The following LAPTM5 variants were observed in gnomAD, a reference collection of about 807,000 sequenced individuals.
LAPTM5 encodes the protein lysosomal-associated transmembrane protein 5.
LAPTM5 carries 11 observed loss-of-function variants against 30.1 expected under a neutral mutation model. The observed-to-expected ratio is 0.37, with a 90% CI of 0.23 to 0.60. The LOEUF (loss-of-function observed/expected upper bound fraction) is 0.60. Ranked by LOEUF, LAPTM5 falls within the 20% of genes least tolerant of loss-of-function variation. The pLI is 0.71. For synonymous variants in LAPTM5, 151 were observed against 137.9 expected, an observed-to-expected ratio of 1.10 and a Z score of -0.67; for missense variants, 324 against 332.5, an observed-to-expected ratio of 0.97 and a Z score of 0.20.
At chr1:30,750,310 A>T (rs939620050) in intron 1 of LAPTM5, among the ~76,000 whole-genome samples, 1 of 152,216 alleles carries the variant, frequency 6.6e-6, no homozygotes, top group African/African-American at 2.4e-5. Context: ...TCTTCAGAGC[A>T]AAGACCCACA....
At chr1:30,757,277 C>T (rs1049840709) in intron 1 of LAPTM5, among the ~76,000 whole-genome samples, 4 of 152,232 alleles carry the variant, frequency 2.6e-5, no homozygotes, top group African/African-American at 7.2e-5. Flanking sequence ...GCCCACGTTC[C>T]TCCCAAGATC....
intron 1 of LAPTM5, among the ~76,000 whole-genome samples, chr1:30,744,378 G>A (rs1158020729): frequency 1.3e-5 from 2 of 152,154 alleles, no homozygotes; most frequent in Admixed American, 6.5e-5. Context: ...GAGAAAGGGA[G>A]GCAGATGACA....
At position 30,739,106 on chromosome 1, in the gene LAPTM5, T is replaced by A. The variant is rs1434760376; in HGVS notation, c.388-44A>T. The A allele has an allele frequency of 8.4e-6, 13 of 1,554,164 alleles. No individual in the cohort carries two copies. In the South Asian group the frequency reaches 1.5e-4, roughly 18 times the overall value. On this transcript the variant is annotated intron_variant, in intron 4 of 7. Coordinates refer to ENST00000294507, the MANE Select transcript of LAPTM5 (RefSeq NM_006762.3). The surrounding 1 kb of genome is among the most constrained non-coding windows in gnomAD (Gnocchi z 4.2). ...AGGAGGAGGAATGAGGAGCAGCAATTAAAGTCCCAGTTACTGAGCGGCACA... is the reference window on the plus strand; with the variant it reads ...AGGAGGAGGAATGAGGAGCAGCAATAAAAGTCCCAGTTACTGAGCGGCACA...
chr1:30,757,603 G>A (rs1640229912), intron 1 of LAPTM5, 56 bp downstream of exon 1: 3 of 1,557,470 alleles, frequency 1.9e-6, no homozygotes, highest in African/African-American at 1.4e-5. Flanking sequence ...GGTCACCGCA[G>A]ACATTCACAC....
At chr1:30,750,008 G>T (rs895254297) in intron 1 of LAPTM5, among the ~76,000 whole-genome samples, 1 of 152,138 alleles carries the variant, frequency 6.6e-6, no homozygotes, top group African/African-American at 2.4e-5. Context: ...ACCTAGACTC[G>T]GACGGCTCAG....
intron 1 of LAPTM5, among the ~76,000 whole-genome samples, chr1:30,745,677 G>T (rs1256363024): frequency 1.3e-5 from 2 of 152,174 alleles, no homozygotes; most frequent in East Asian, 1.9e-4. Flanking sequence ...ACTCTGAGGG[G>T]CCCCGACCTT....
In LAPTM5 at chr1:30,741,651, C is replaced by T. The variant is rs764117825; in HGVS notation, c.247G>A (p.Gly83Ser). 6.2e-7 allele frequency: 1 copy of T among 1,602,904 alleles called. No individual in the cohort carries two copies. The highest frequency in any genetic ancestry group is 8.5e-7 in the Non-Finnish European group (1 of 1,174,692). Residue 83 changes from glycine (G) to serine (S), a missense_variant, in exon 3 of 8, where the codon GGC becomes AGC. Physicochemically the swap from Gly to Ser is moderately conservative, Grantham distance 56 (BLOSUM62 0). Coordinates refer to ENST00000294507, the MANE Select transcript of LAPTM5 (RefSeq NM_006762.3). ...LFIISLSLLI[G>S]VVKNREKYLL... ...TCCTGAGCCCTCACCTTGACTACGCCGATCAGTAGGCTCAGGCTGATGATG... is the reference window on the plus strand; with the variant it reads ...TCCTGAGCCCTCACCTTGACTACGCTGATCAGTAGGCTCAGGCTGATGATG...
chr1:30,748,564 C>T (rs1640081970), intron 1 of LAPTM5, among the ~76,000 whole-genome samples: 1 of 152,228 alleles, frequency 6.6e-6, no homozygotes, highest in Admixed American at 6.5e-5. Context: ...TCCCCTTCCC[C>T]ACCCTGTGCT....
At chr1:30,743,379 G>C (rs1161623414) in intron 1 of LAPTM5, among the ~76,000 whole-genome samples, 2 of 152,186 alleles carry the variant, frequency 1.3e-5, no homozygotes, top group African/African-American at 4.8e-5. Context: ...ATGTGGAAGG[G>C]GCGAATCTGA....
At chr1:30,750,226 T>G (rs1298742036) in intron 1 of LAPTM5, among the ~76,000 whole-genome samples, 1 of 152,136 alleles carries the variant, frequency 6.6e-6, no homozygotes, top group African/African-American at 2.4e-5. Flanking sequence ...CCTGTCATTC[T>G]CCACTTCCTA....
At chr1:30,750,012 G>A (rs536859245) in intron 1 of LAPTM5, among the ~76,000 whole-genome samples, 43 of 152,264 alleles carry the variant, frequency 2.8e-4, no homozygotes, top group Admixed American at 1.6e-3. Context: ...AGACTCGGAC[G>A]GCTCAGATGG....
Position 30,742,466 on chromosome 1 carries a change from G to A in LAPTM5, c.171C>T (p.Tyr57=). The part of the protein sequence containing the change: ...KASCKLSQMG[Y]LRIADLISSF... The stretch of plus-strand genomic sequence containing the variant: ...GTCCCCTGGACCTACCGATCCTGAG[G>A]TAGCCCATCTGGGAGAGCTTGCAGG... The change falls in exon 2 of 8, where the codon TAC becomes TAT. Residue 57 remains tyrosine, a synonymous_variant. Transcript: ENST00000294507. The A allele has an allele frequency of 1.2e-6, 2 of 1,613,014 alleles. No homozygotes were observed. Among genetic ancestry groups the A allele is most frequent in the Non-Finnish European group, 1.7e-6 (2 of 1,179,568 alleles).
In LAPTM5 at chr1:30,746,522, T is replaced by G. The variant is rs138228753; in HGVS notation, c.88-3973A>C. Among the ~76,000 whole-genome samples the G allele has an allele frequency of 4.9e-4, 75 of 152,266 alleles. No individual in the cohort carries two copies. The South Asian group carries it at 0.012, about 25-fold the overall frequency. The stretch of plus-strand genomic sequence containing the variant: ...ACAGCGCTGCCTTCTCCCCAAGCTC[T>G]GAGAGCCCAGCTGGGCTGTGACCTT... On this transcript the variant is annotated intron_variant, in intron 1 of 7. Transcript: ENST00000294507. The surrounding 1 kb of genome is among the most constrained non-coding windows in gnomAD (Gnocchi z 4.0).
intron 1 of LAPTM5, among the ~76,000 whole-genome samples, chr1:30,744,009 A>T (rs1194854588): frequency 2.6e-5 from 4 of 152,044 alleles, no homozygotes; most frequent in Non-Finnish European, 5.9e-5. Flanking sequence ...GGAAAATTGC[A>T]ATCACTGGAT....
At position 30,739,997 on chromosome 1, in the gene LAPTM5, CAG is replaced by C; in HGVS notation, c.259-62_259-61del. 1 of 1,489,220 alleles carries C rather than the reference CAG, an allele frequency of 6.7e-7. No homozygotes were observed. Among genetic ancestry groups the C allele is most frequent in the Non-Finnish European group, 9.0e-7 (1 of 1,111,326 alleles). 92.3% of individuals were successfully genotyped at this position (1,489,220 alleles called of 1,614,324 possible). On this transcript the variant is annotated intron_variant, in intron 3 of 7. Transcript: ENST00000294507. The surrounding 1 kb of genome is among the most constrained non-coding windows in gnomAD (Gnocchi z 4.2). ...TGCATGCAGCCAACACTCCGCCACC[CAG>C]CCTGATATCCTCATGCATCCCCTTC...
intron 1 of LAPTM5, 40 bp downstream of exon 1, chr1:30,757,619 C>T (rs1313406721): frequency 2.5e-6 from 4 of 1,597,874 alleles, no homozygotes; most frequent in Non-Finnish European, 3.4e-6. Flanking sequence ...CACACTCACA[C>T]AAGCACGCAC....
chr1:30,757,155 G>A (rs187468057), intron 1 of LAPTM5, among the ~76,000 whole-genome samples: 22 of 152,200 alleles, frequency 1.4e-4, no homozygotes, highest in African/African-American at 5.3e-4. Context: ...GAGGCACAAA[G>A]GGGAGATCCC....
chr1:30,749,865 G>T (rs868629565), intron 1 of LAPTM5, among the ~76,000 whole-genome samples: 1 of 152,180 alleles, frequency 6.6e-6, no homozygotes, highest in African/African-American at 2.4e-5. Flanking sequence ...TACGCAGCAG[G>T]CCTCAGTAAA....
At chr1:30,744,393 C>T (rs998033474) in intron 1 of LAPTM5, among the ~76,000 whole-genome samples, 2 of 152,136 alleles carry the variant, frequency 1.3e-5, no homozygotes, top group African/African-American at 2.4e-5. Context: ...ATGACAGCTC[C>T]GTCCAGCACA....
Sources: allele counts gnomAD v4.1 joint callset (sites outside exome capture counted in the v4.1 genomes callset), GRCh38; gene constraint gnomAD v4.1.1; non-coding constraint Gnocchi (gnomAD v3.1); transcripts MANE v1.5; gene names NCBI Gene and HGNC (gene_info 2026-07-23, HGNC 2026-07-21).